The following FBXL12 variants were observed in gnomAD, a reference collection of about 807,000 sequenced individuals.
FBXL12 encodes the protein F-box and leucine rich repeat protein 12, also known as F-box/LRR-repeat protein 12.
Under a neutral mutation model 24.9 loss-of-function variants are expected in FBXL12, and 22 were observed. The observed-to-expected ratio is 0.88, with a 90% CI of 0.63 to 1.26. The LOEUF (loss-of-function observed/expected upper bound fraction) is 1.26. FBXL12 is among the 50% of genes most tolerant of loss of function. The pLI, the probability that FBXL12 is intolerant of heterozygous loss-of-function variation, is 0.00. For synonymous variants in FBXL12, 193 were observed against 193.8 expected (o/e 1.00, Z 0.03); for missense variants, 384 against 434.1 (o/e 0.88, Z 1.03).
At position 9,818,578 on chromosome 19, in the gene FBXL12, C is replaced by G; in HGVS notation, c.126G>C (p.Trp42Cys). Reference protein sequence around the residue: ...HRWKRLVDDRWLWRHVDLTLY... With the variant: ...HRWKRLVDDRCLWRHVDLTLY... ...GCGTCAGGTCGACATGTCGCCACAG[C>G]CACCGGTCGTCCACCAGCCTCTTCC... Residue 42 changes from tryptophan (W) to cysteine (C), a missense_variant, in exon 2 of 3, where the codon TGG becomes TGC. Trp to Cys is a radical substitution (Grantham distance 215). Transcript: ENST00000247977. 2 of 1,553,426 alleles carry G rather than the reference C, an allele frequency of 1.3e-6. No individual in the cohort carries two copies. Among genetic ancestry groups the G allele is most frequent in the African/African-American group, 1.4e-5 (1 of 73,542 alleles).
At chr19:9,815,450 AGAACAGT>A (rs2045859272) in intron 2 of FBXL12, among the ~76,000 whole-genome samples, 1 of 152,104 alleles carries the variant, frequency 6.6e-6, no homozygotes, top group Admixed American at 6.6e-5. Flanking sequence ...TGGAGTCTGG[AGAACAGT>A]GGCCCTCTTC....
rs145569116 is a variant in FBXL12 at position 9,810,937 on chromosome 19, C to A, written c.940G>T (p.Val314Phe). ...CKGLPHCMVI[V>F]RACPKESMDW... Reference sequence around the variant, plus strand: ...ATAGACTCTTTGGGGCAAGCCCTGACGATGACCATACAGTGGGGCAGCCCC... The same window carrying A: ...ATAGACTCTTTGGGGCAAGCCCTGAAGATGACCATACAGTGGGGCAGCCCC... Residue 314 changes from valine (V) to phenylalanine (F), a missense_variant, in exon 3 of 3, where the codon GTC (valine) becomes TTC (phenylalanine). By Grantham distance (50) the Val-to-Phe change is conservative. Transcript: ENST00000247977. The A allele has an allele frequency of 3.1e-6, 5 of 1,600,996 alleles. No individual in the cohort carries two copies. The highest frequency in any genetic ancestry group is 1.3e-5 in the African/African-American group (1 of 74,668).
chr19:9,811,540 C>A lies in FBXL12; in HGVS notation c.337G>T (p.Asp113Tyr). Residue 113 changes from aspartate (D) to tyrosine (Y), a missense_variant, in exon 3 of 3, where the codon GAC (aspartate) becomes TAC (tyrosine). Transcript: ENST00000247977. The surrounding 1 kb of genome is among the most constrained non-coding windows in gnomAD (Gnocchi z 6.0). ...CTGGTGATGGGCACCATGCTCAGGT[C>A]GGCCACGTGCAGGCAGAGGCGCTTC... Reference protein sequence around the residue: ...NLKRLCLHVADLSMVPITSLP... With the variant: ...NLKRLCLHVAYLSMVPITSLP... 2 of 1,609,978 alleles carry A rather than the reference C, an allele frequency of 1.2e-6. No individual in the cohort carries two copies. The highest frequency in any genetic ancestry group is 1.7e-6 in the Non-Finnish European group (2 of 1,177,364).
chr19:9,811,191 T>A lies in FBXL12; in HGVS notation c.686A>T (p.Asp229Val), dbSNP rs368623714. 14 of 1,612,882 alleles carry A rather than the reference T, an allele frequency of 8.7e-6. No homozygotes were observed. The African/African-American group carries it at 1.7e-4, about 20-fold the overall frequency. ...CACGGTCAGCCGGATCTTGCGCACA[T>A]CTCGGAGGTGGCGGCTGATGGCCAG... is the stretch of plus-strand genomic sequence containing the variant. ...TLLAISRHLR[D>V]VRKIRLTVRG... The change falls in exon 3 of 3, where the codon GAT (aspartate) becomes GTT (valine). Residue 229 changes from aspartate (D) to valine (V), a missense_variant. Coordinates refer to ENST00000247977, the MANE Select transcript of FBXL12 (RefSeq NM_017703.3). The surrounding 1 kb of genome is among the most constrained non-coding windows in gnomAD (Gnocchi z 6.0).
intron 2 of FBXL12, among the ~76,000 whole-genome samples, chr19:9,815,662 T>G (rs1568346935): frequency 6.6e-6 from 1 of 151,936 alleles, no homozygotes; most frequent in African/African-American, 2.4e-5. Flanking sequence ...AATTCTTTTT[T>G]TTTTTTTTTG....
intron 2 of FBXL12, among the ~76,000 whole-genome samples, chr19:9,816,110 G>A (rs1324028716): frequency 6.6e-6 from 1 of 152,184 alleles, no homozygotes; most frequent in Non-Finnish European, 1.5e-5. Context: ...AAGTCCCAGG[G>A]TGAACATAGC....
At chr19:9,812,759 TA>T (rs35525468) in intron 2 of FBXL12, among the ~76,000 whole-genome samples, 1,546 of 114,434 alleles carry the variant, frequency 0.014, 17 homozygotes, top group African/African-American at 0.036. Context: ...AGGTCTATGT[TA>T]AAAAAAAAAA....
rs148179246 is a variant in FBXL12, at chr19:9,811,133, C to T, written c.744G>A (p.Leu248=). 3.5e-5 allele frequency: 56 copies of T among 1,605,676 alleles called. No homozygotes were observed. Among genetic ancestry groups the T allele is most frequent in the Non-Finnish European group, 4.2e-5 (49 of 1,173,184 alleles). The change falls in exon 3 of 3, where the codon CTG becomes CTA. Residue 248 remains leucine, a synonymous_variant. Coordinates refer to ENST00000247977, the MANE Select transcript of FBXL12 (RefSeq NM_017703.3). The surrounding 1 kb of genome is among the most constrained non-coding windows in gnomAD (Gnocchi z 6.0). The part of the protein sequence containing the change: ...RGLSAPGLAV[L]EGMPALESLC... ...GACTCTCCAGGGCCGGCATTCCCTC[C>T]AGCACAGCCAGGCCAGGGGCAGAGA...
chr19:9,817,368 C>A (rs2081066), intron 2 of FBXL12, among the ~76,000 whole-genome samples: 1 of 152,136 alleles, frequency 6.6e-6, no homozygotes, highest in South Asian at 2.1e-4. Flanking sequence ...ATCTTCCTTG[C>A]CAAATTTAGA....
chr19:9,813,063 C>T (rs1170881006), intron 2 of FBXL12, among the ~76,000 whole-genome samples: 3 of 151,746 alleles, frequency 2.0e-5, no homozygotes, highest in Non-Finnish European at 4.4e-5. Context: ...AAGAGCGAAA[C>T]TCCATGTCAA....
At chr19:9,817,830 T>C (rs1349234236) in intron 2 of FBXL12, among the ~76,000 whole-genome samples, 1 of 152,144 alleles carries the variant, frequency 6.6e-6, no homozygotes, top group Admixed American at 6.5e-5. Flanking sequence ...GACACACACA[T>C]ATGAAGTAAC....
chr19:9,812,530 CAAAAAAAAAA>C (rs374538314), intron 2 of FBXL12, among the ~76,000 whole-genome samples: 5 of 32,564 alleles, frequency 1.5e-4, no homozygotes, highest in African/African-American at 2.0e-4. Context: ...GACTCTGTCT[CAAAAAAAAAA>C]AAAAAAAAAA....
chr19:9,818,866 G>A lies in FBXL12; in HGVS notation c.-53C>T, dbSNP rs1162528697. 3.4e-6 allele frequency: 5 copies of A among 1,489,080 alleles called. No homozygotes were observed. The South Asian group carries it at 3.7e-5, about 11-fold the overall frequency. The allele number at this position is 1,489,080 out of a possible 1,614,324, so 92.2% of individuals were successfully genotyped here. ...CGGTTAAAGAGACCCGAGGGGTCCT[G>A]GGGGCGCCGAGGCGGCTGACAGGGC... On this transcript the variant is annotated 5_prime_UTR_variant, in exon 1 of 3. Transcript: ENST00000247977.
intron 1 of FBXL12, 33 bp downstream of exon 1, chr19:9,818,695 G>A (rs975028815): frequency 1.3e-6 from 2 of 1,543,830 alleles, no homozygotes; most frequent in South Asian, 1.2e-5. Context: ...TGCGCCCTCC[G>A]CCCTGCCCTT....
chr19:9,812,010 C>T (rs905168944), intron 2 of FBXL12, among the ~76,000 whole-genome samples: 2 of 151,418 alleles, frequency 1.3e-5, no homozygotes, highest in African/African-American at 4.9e-5. Context: ...TAATGGCTCA[C>T]TGCAGCCTGG....
intron 2 of FBXL12, among the ~76,000 whole-genome samples, chr19:9,812,183 C>T (rs1002467050): frequency 5.3e-5 from 8 of 152,076 alleles, no homozygotes; most frequent in Non-Finnish European, 7.4e-5. Context: ...CCATCTCAGC[C>T]CCTCAAAGTG....
rs1258106733 is a variant in FBXL12 at position 9,818,780 on chromosome 19, G to A, written c.34C>T (p.Leu12=). ...GGGAGGTAAGAGAAGATCTCGAGCA[G>A]GACCGAGTCCGGCAGTTCGACCAAA... ...ATLVELPDSV[L]LEIFSYLPVR... is the part of the protein sequence containing the mutation. The change falls in exon 1 of 3, where the codon CTG becomes TTG. Residue 12 remains leucine (L), a synonymous_variant. Coordinates refer to ENST00000247977, the MANE Select transcript of FBXL12 (RefSeq NM_017703.3). 6.4e-7 allele frequency: 1 copy of A among 1,556,342 alleles called. No individual in the cohort carries two copies. Among genetic ancestry groups the A allele is most frequent in the Non-Finnish European group, 8.7e-7 (1 of 1,148,760 alleles).
chr19:9,817,852 G>T (rs1448427562), intron 2 of FBXL12, among the ~76,000 whole-genome samples: 2 of 152,068 alleles, frequency 1.3e-5, no homozygotes, highest in East Asian at 3.8e-4. Context: ...TAAAAGGAAG[G>T]GTGCAAATTC....
rs1490997876 is a variant in FBXL12 at position 9,818,952 on chromosome 19, A to C, written c.-139T>G. 7.4e-6 allele frequency: 6 copies of C among 809,768 alleles called. No homozygotes were observed. The highest frequency in any genetic ancestry group is 7.9e-6 in the Non-Finnish European group (4 of 508,024). 50.2% of individuals were successfully genotyped at this position (809,768 alleles called of 1,614,324 possible). A position where few individuals can be genotyped will look rare whatever the true frequency, so the allele number is the denominator to read the frequency against. On this transcript the variant is annotated 5_prime_UTR_variant, in exon 1 of 3. Coordinates refer to ENST00000247977, the MANE Select transcript of FBXL12 (RefSeq NM_017703.3). ...TTGACCTTCCTCTCGCTGGGAAGTGATTCGGTCCCAGGGCCGGACCAGCCG... is the reference window on the plus strand; with the variant it reads ...TTGACCTTCCTCTCGCTGGGAAGTGCTTCGGTCCCAGGGCCGGACCAGCCG...
Sources: gnomAD v4.1 joint callset for allele counts (sites outside exome capture counted in the v4.1 genomes callset) on GRCh38, gnomAD v4.1.1 for gene constraint, Gnocchi (gnomAD v3.1) non-coding constraint, MANE v1.5 for transcripts, NCBI Gene and HGNC (gene_info 2026-07-23, HGNC 2026-07-21) for gene names.